ANKRD30BL: variants seen among roughly 807,000 people sequenced by gnomAD.
The protein encoded by ANKRD30BL is putative ankyrin repeat domain-containing protein 30B-like.
In ANKRD30BL, 20 loss-of-function variants were observed where a neutral mutation model predicts 18.4. That is an observed-to-expected ratio of 1.09 (90% CI 0.77 to 1.58). ANKRD30BL has a LOEUF of 1.58. Ranked by LOEUF, ANKRD30BL falls within the 40% of genes most tolerant of loss-of-function variation. The pLI is 0.00. For synonymous variants in ANKRD30BL, 72 were observed against 100.9 expected, an observed-to-expected ratio of 0.71 and a Z score of 1.72; for missense variants, 224 against 268.6, an observed-to-expected ratio of 0.83 and a Z score of 1.16.
At chr2:132,212,046 C>T (rs2315187) in intron 1 of ANKRD30BL, among the ~76,000 whole-genome samples, 2,399 of 151,622 alleles carry the variant, frequency 0.016, 62 homozygotes, top group African/African-American at 0.053. Context: ...ATATTTTTAA[C>T]GCTTGGCAGC....
At chr2:132,230,990 A>G (rs999620987) in intron 1 of ANKRD30BL, among the ~76,000 whole-genome samples, 26 of 152,170 alleles carry the variant, frequency 1.7e-4, no homozygotes, top group Non-Finnish European at 3.7e-4. Context: ...GAATATCTTC[A>G]CATAATCACT....
rs538163152 is a variant in ANKRD30BL, at chr2:132,195,924, G to A, written n.442-38778C>T. Among the ~76,000 whole-genome samples the A allele has an allele frequency of 4.0e-5, 6 of 151,402 alleles. 1 individual carries two copies. The highest frequency in any genetic ancestry group is 1.5e-4 in the African/African-American group (6 of 41,378). ...TGGGAGGACCAGTTGGGTGGATCAC[G>A]AGGTCAGGAGATGAAGACCATCCTG... is the stretch of plus-strand genomic sequence containing the variant. On this transcript the variant is annotated intron_variant and non_coding_transcript_variant, in intron 1 of 4. Transcript: ENST00000470729.
At chr2:132,189,855 A>G (rs1678809639) in intron 1 of ANKRD30BL, among the ~76,000 whole-genome samples, 1 of 152,146 alleles carries the variant, frequency 6.6e-6, no homozygotes, top group Admixed American at 6.6e-5. Context: ...ATACTCCATA[A>G]TCACCACTGT....
At position 132,147,916 on chromosome 2, in the gene ANKRD30BL, C is replaced by T. The variant is rs575417704; in HGVS notation, c.*215G>A. 2.0e-3 allele frequency: 1,025 copies of T among 517,692 alleles called. 11 individuals carry two copies. The highest frequency in any genetic ancestry group is 0.018 in the African/African-American group (876 of 49,112). 32.1% of individuals were successfully genotyped at this position (517,692 alleles called of 1,614,324 possible). ...CTAAAGACAAAGCAGGTGTTAGAGG[C>T]TAGAAGGGGGCTGTTTAATGAAACT... On this transcript the variant is annotated 3_prime_UTR_variant, in exon 6 of 6. Transcript: ENST00000409867.
At chr2:132,177,750 G>A (rs536039897) in intron 1 of ANKRD30BL, among the ~76,000 whole-genome samples, 2 of 152,134 alleles carry the variant, frequency 1.3e-5, no homozygotes, top group Non-Finnish European at 2.9e-5. Flanking sequence ...TATGTGTGAG[G>A]TCAACATGAG....
In ANKRD30BL at chr2:132,212,273, A is replaced by G. The variant is rs577916352; in HGVS notation, n.441+45256T>C. Among the ~76,000 whole-genome samples, 73 of 151,760 alleles carry G rather than the reference A, an allele frequency of 4.8e-4. No individual in the cohort carries two copies. The South Asian group carries it at 0.015, about 31-fold the overall frequency. Reference sequence around the variant, plus strand: ...GCAAGTGGACATTTGGAGAGCTTTGAGGCCTAAGGCAGAAAACAAAATATT... The same window carrying G: ...GCAAGTGGACATTTGGAGAGCTTTGGGGCCTAAGGCAGAAAACAAAATATT... On this transcript the variant is annotated intron_variant and non_coding_transcript_variant, in intron 1 of 4. Transcript: ENST00000470729.
At chr2:132,248,169 T>C (rs1680551916) in intron 1 of ANKRD30BL, among the ~76,000 whole-genome samples, 2 of 152,124 alleles carry the variant, frequency 1.3e-5, no homozygotes, top group African/African-American at 4.8e-5. Flanking sequence ...AAAAGACAGT[T>C]TCCAAACTGC....
chr2:132,224,106 TG>T (rs1362599209), intron 1 of ANKRD30BL, among the ~76,000 whole-genome samples: 5 of 152,162 alleles, frequency 3.3e-5, no homozygotes, highest in Non-Finnish European at 7.3e-5. Flanking sequence ...TGTGCTGTTT[TG>T]AGGCCTTCGT....
chr2:132,181,647 C>A (rs1038844623), intron 1 of ANKRD30BL, among the ~76,000 whole-genome samples: 1 of 152,064 alleles, frequency 6.6e-6, no homozygotes, highest in Non-Finnish European at 1.5e-5. Flanking sequence ...CCCTGGAGGC[C>A]ACATCTAAGG....
At chr2:132,208,352 T>G (rs1679250867) in intron 1 of ANKRD30BL, among the ~76,000 whole-genome samples, 1 of 152,156 alleles carries the variant, frequency 6.6e-6, no homozygotes, top group Admixed American at 6.6e-5. Flanking sequence ...CACATCACTT[T>G]CTACTGCATT....
intron 1 of ANKRD30BL, among the ~76,000 whole-genome samples, chr2:132,184,254 C>T (rs538747531): frequency 0.013 from 2,022 of 151,934 alleles, 47 homozygotes; most frequent in African/African-American, 0.046. Flanking sequence ...TTTGTGTCTG[C>T]GATAATATTT....
intron 1 of ANKRD30BL, among the ~76,000 whole-genome samples, chr2:132,229,287 T>C (rs1208998318): frequency 6.6e-6 from 1 of 152,084 alleles, no homozygotes; most frequent in African/African-American, 2.4e-5. Flanking sequence ...TATCTTCACA[T>C]AAAAACTAGA....
chr2:132,185,384 AG>A (rs1200334374), intron 1 of ANKRD30BL, among the ~76,000 whole-genome samples: 3 of 152,162 alleles, frequency 2.0e-5, no homozygotes, highest in Non-Finnish European at 4.4e-5. Context: ...AGTGCATTGC[AG>A]GAGCCCCTTT....
chr2:132,241,045 T>G (rs1402283534), intron 1 of ANKRD30BL, among the ~76,000 whole-genome samples: 2 of 152,064 alleles, frequency 1.3e-5, no homozygotes, highest in African/African-American at 4.8e-5. Flanking sequence ...GAAACTTCTT[T>G]GTGATGCTTT....
intron 1 of ANKRD30BL, among the ~76,000 whole-genome samples, chr2:132,241,758 T>G (rs138155538): frequency 1.3e-5 from 2 of 150,732 alleles, no homozygotes; most frequent in East Asian, 3.9e-4. Context: ...AGAGTTGAAT[T>G]TTTCTTTTGA....
intron 3 of ANKRD30BL, chr2:132,155,084 T>C (rs189107441): frequency 2.0e-3 from 376 of 188,776 alleles, no homozygotes; most frequent in African/African-American, 8.4e-3. Context: ...CCCTAAGACA[T>C]AGTAGTAAAT....
At chr2:132,199,304 G>A (rs1168494855) in intron 1 of ANKRD30BL, among the ~76,000 whole-genome samples, 1 of 152,060 alleles carries the variant, frequency 6.6e-6, no homozygotes, top group East Asian at 1.9e-4. Context: ...AGGTTGCAAT[G>A]AGCCAAGGAT....
intron 1 of ANKRD30BL, among the ~76,000 whole-genome samples, chr2:132,183,122 C>A (rs1433282393): frequency 1.3e-5 from 2 of 148,536 alleles, no homozygotes; most frequent in Non-Finnish European, 3.0e-5. Context: ...CAATAAGTTA[C>A]CCTAGACAAA....
At chr2:132,186,618 A>C (rs1026502827) in intron 1 of ANKRD30BL, among the ~76,000 whole-genome samples, 1 of 152,216 alleles carries the variant, frequency 6.6e-6, no homozygotes, top group African/African-American at 2.4e-5. Context: ...CTAATTCTAC[A>C]TATGAACTCA....
Sources: allele counts gnomAD v4.1 joint callset (sites outside exome capture counted in the v4.1 genomes callset), GRCh38; gene constraint gnomAD v4.1.1; transcripts MANE v1.5; gene names NCBI Gene and HGNC (gene_info 2026-07-23, HGNC 2026-07-21).